HEG1: variants seen among roughly 807,000 people sequenced by gnomAD.
HEG1 encodes protein HEG homolog 1.
HEG1 carries 56 observed loss-of-function variants against 125.6 expected under a neutral mutation model. That is an observed-to-expected ratio of 0.45 (90% CI 0.36 to 0.56). The LOEUF (loss-of-function observed/expected upper bound fraction) is 0.56. Among genes scored for constraint, HEG1 ranks in the 20% least tolerant of loss-of-function variants. The pLI is 0.00. For missense variants in HEG1, 1,523 were observed against 1,670.0 expected (o/e 0.91, Z 1.53); for synonymous variants, 644 against 668.5 (o/e 0.96, Z 0.57).
intron 6 of HEG1, among the ~76,000 whole-genome samples, chr3:125,011,241 C>T (rs1012898398): frequency 8.5e-5 from 12 of 141,522 alleles, no homozygotes; most frequent in Non-Finnish European, 1.6e-4. Context: ...GTCAAGTCTT[C>T]ACTCAAAAAA....
intron 5 of HEG1, 118 bp from the exon 6 acceptor site, chr3:125,014,108 T>C (rs1937206495): frequency 3.1e-6 from 3 of 974,136 alleles, no homozygotes; most frequent in South Asian, 3.5e-5. Flanking sequence ...GGTGAAACAC[T>C]TGCTTTGGAG....
intron 4 of HEG1, 110 bp downstream of exon 4, chr3:125,020,681 TA>T: frequency 1.1e-6 from 1 of 882,148 alleles, no homozygotes; most frequent in East Asian, 2.6e-5. Context: ...ATAGTGCCAT[TA>T]AAAAGCACAC....
intron 14 of HEG1, among the ~76,000 whole-genome samples, chr3:124,979,736 A>T (rs548636195): frequency 6.6e-6 from 1 of 152,174 alleles, no homozygotes; most frequent in South Asian, 2.1e-4. Context: ...GATTGAGACC[A>T]TCCTGGCTAA....
At chr3:125,027,141 T>C (rs1937425698) in intron 3 of HEG1, 64 bp downstream of exon 3, 1 of 1,395,556 alleles carries the variant, frequency 7.2e-7, no homozygotes, top group African/African-American at 1.4e-5. Context: ...TAGCTGGCTA[T>C]GCACATTGAT....
At chr3:125,000,102 G>A (rs1936979696) in intron 11 of HEG1, among the ~76,000 whole-genome samples, 1 of 152,192 alleles carries the variant, frequency 6.6e-6, no homozygotes. Flanking sequence ...GAAGACCTGG[G>A]AGGAAAAACA....
chr3:124,991,401 T>C (rs1389677321), intron 12 of HEG1, among the ~76,000 whole-genome samples: 1 of 152,220 alleles, frequency 6.6e-6, no homozygotes, highest in African/African-American at 2.4e-5. Flanking sequence ...TCTGCCCGCC[T>C]CTGCCTCCCA....
intron 9 of HEG1, among the ~76,000 whole-genome samples, chr3:125,003,455 T>G (rs1937029178): frequency 6.6e-6 from 1 of 152,230 alleles, no homozygotes; most frequent in African/African-American, 2.4e-5. Flanking sequence ...CATAAAATTC[T>G]GCTGTGTAGT....
At chr3:124,985,556 T>A (rs1936724608) in intron 14 of HEG1, among the ~76,000 whole-genome samples, 1 of 152,200 alleles carries the variant, frequency 6.6e-6, no homozygotes, top group African/African-American at 2.4e-5. Context: ...ACACATCTGA[T>A]GACACATTCC....
At chr3:124,987,952 C>CATATATATATATATATATATATAT (rs1553776022) in intron 14 of HEG1, among the ~76,000 whole-genome samples, 2 of 54,682 alleles carry the variant, frequency 3.7e-5, no homozygotes, top group African/African-American at 4.8e-5. Flanking sequence ...CACACACACA[C>CATATATATATATATATATATATAT]ATATATATAT....
At chr3:125,012,459 T>G (rs930487767) in intron 6 of HEG1, among the ~76,000 whole-genome samples, 164 bp downstream of exon 6, 2 of 152,220 alleles carry the variant, frequency 1.3e-5, no homozygotes, top group Non-Finnish European at 1.5e-5. Context: ...ATGACCTTCT[T>G]TTACACTTTA....
chr3:124,990,088 A>G (rs1224904417), intron 14 of HEG1, among the ~76,000 whole-genome samples: 4 of 152,040 alleles, frequency 2.6e-5, no homozygotes, highest in Non-Finnish European at 5.9e-5. Flanking sequence ...CATACCCGCC[A>G]GTCTAAATCT....
chr3:125,031,614 T>C (rs1012817900), intron 1 of HEG1, among the ~76,000 whole-genome samples: 8 of 151,820 alleles, frequency 5.3e-5, no homozygotes, highest in Non-Finnish European at 7.4e-5. Context: ...ATCGGACAAG[T>C]AGAGGCTGCA....
intron 14 of HEG1, among the ~76,000 whole-genome samples, chr3:124,989,542 T>C (rs1936795201): frequency 6.6e-6 from 1 of 152,208 alleles, no homozygotes; most frequent in Admixed American, 6.5e-5. Context: ...ATTTCTAATG[T>C]ATGAATATAA....
At chr3:125,039,987 A>G (rs1937579766) in intron 1 of HEG1, among the ~76,000 whole-genome samples, 2 of 152,220 alleles carry the variant, frequency 1.3e-5, no homozygotes, top group Non-Finnish European at 2.9e-5. Flanking sequence ...TGATTTGACA[A>G]CAGCTGCACA....
intron 12 of HEG1, among the ~76,000 whole-genome samples, chr3:124,996,276 G>A (rs544496938): frequency 2.9e-4 from 44 of 152,052 alleles, no homozygotes; most frequent in Non-Finnish European, 4.0e-4. Context: ...TAGAGACGGG[G>A]TTTCTCTGTG....
At chr3:125,030,461 C>A (rs1937482580) in intron 1 of HEG1, among the ~76,000 whole-genome samples, 2 of 152,178 alleles carry the variant, frequency 1.3e-5, no homozygotes, top group African/African-American at 4.8e-5. Flanking sequence ...ACTCCTTCAG[C>A]AGGTTATCAA....
chr3:125,013,343 C>G lies in HEG1; in HGVS notation c.2236G>C (p.Val746Leu). The G allele has an allele frequency of 6.2e-7, 1 of 1,613,852 alleles. No individual in the cohort carries two copies. Residue 746 changes from valine (V) to leucine (L), a missense_variant, in exon 6 of 17, where the codon GTC becomes CTC. Coordinates refer to ENST00000311127, the MANE Select transcript of HEG1 (RefSeq NM_020733.2). ...GGAGTCTCCCTTGCCCTGGGCAGGA[C>G]AGGGGTAGAAGATGACTGTGGCAAG... ...TTLPQSSSTP[V>L]LPRARETPVT... is the part of the protein sequence containing the mutation.
chr3:125,034,136 C>T (rs187969445), intron 1 of HEG1, among the ~76,000 whole-genome samples: 155 of 152,354 alleles, frequency 1.0e-3, no homozygotes, highest in African/African-American at 3.6e-3. Context: ...ATTGTGTAGA[C>T]ACAAATACAA....
chr3:124,998,248 A>C (rs1270820560), intron 11 of HEG1, among the ~76,000 whole-genome samples: 1 of 152,186 alleles, frequency 6.6e-6, no homozygotes, highest in Non-Finnish European at 1.5e-5. Context: ...TTGGACTAAG[A>C]ACAGGAGTGC....
Sources: allele counts gnomAD v4.1 joint callset (sites outside exome capture counted in the v4.1 genomes callset), GRCh38; gene constraint gnomAD v4.1.1; transcripts MANE v1.5; gene names NCBI Gene and HGNC (gene_info 2026-07-23, HGNC 2026-07-21).